CDHR1: variants seen among roughly 807,000 people sequenced by gnomAD.
CDHR1 encodes cadherin related family member 1, also known as cadherin-related family member 1.
Under a neutral mutation model 72.1 loss-of-function variants are expected in CDHR1, and 61 were observed. The ratio of observed to expected loss-of-function variants is 0.85; its 90% CI spans 0.69 to 1.05. The LOEUF is 1.05. Ranked by LOEUF, CDHR1 falls within the 50% of genes least tolerant of loss-of-function variation. The pLI is 0.00. For synonymous variants in CDHR1, 470 were observed against 448.1 expected, an observed-to-expected ratio of 1.05 and a Z score of -0.62; for missense variants, 1,186 against 1,115.7, an observed-to-expected ratio of 1.06 and a Z score of -0.90.
At chr10:84,211,816 C>A (rs1373253681) in intron 14 of CDHR1, 101 bp downstream of exon 14, 3 of 1,032,806 alleles carry the variant, frequency 2.9e-6, no homozygotes. Flanking sequence ...CTGGGAGGGA[C>A]AGGAGCCTGG....
rs1842404945 is a variant in CDHR1 at position 84,215,009 on chromosome 10, G to A, written c.*388G>A. On this transcript the variant is annotated 3_prime_UTR_variant, in exon 17 of 17. Coordinates refer to ENST00000623527, the MANE Select transcript of CDHR1 (RefSeq NM_033100.4). The stretch of plus-strand genomic sequence containing the variant: ...ATCATCATCCTTAGTCAAGCAGCAG[G>A]GCCCTGGCCACGTGGAGCAACACTG... 1 of 1,140,522 alleles carries A rather than the reference G, an allele frequency of 8.8e-7. No individual in the cohort carries two copies. The highest frequency in any genetic ancestry group is 4.3e-5 in the Admixed American group (1 of 23,142). 70.7% of individuals were successfully genotyped at this position (1,140,522 alleles called of 1,614,324 possible). A position where few individuals can be genotyped will look rare whatever the true frequency, so the allele number is the denominator to read the frequency against.
Position 84,196,542 on chromosome 10 carries a change from G to A in CDHR1, c.189G>A (p.Glu63=), listed in dbSNP as rs1842032847. 1 of 1,614,172 alleles carries A rather than the reference G, an allele frequency of 6.2e-7. No individual in the cohort carries two copies. The highest frequency in any genetic ancestry group is 8.5e-7 in the Non-Finnish European group (1 of 1,180,012). The change falls in exon 3 of 17, where the codon GAG becomes GAA. Residue 63 remains glutamate, a synonymous_variant. Coordinates refer to ENST00000623527, the MANE Select transcript of CDHR1 (RefSeq NM_033100.4). ...ACACCCTGAATGGGACAGACCCTGA[G>A]GGAGACCCCATCTCCTACCACATCA... ...HVYTLNGTDP[E]GDPISYHISF...
chr10:84,200,925 CCCTCAGCCCT>C (rs1842113790), intron 6 of CDHR1, among the ~76,000 whole-genome samples: 3 of 152,322 alleles, frequency 2.0e-5, no homozygotes, highest in African/African-American at 7.2e-5. Context: ...GTCCCCAGGA[CCCTCAGCCCT>C]CCACATCCCC....
chr10:84,218,774 A>G (rs953576417), downstream of CDHR1: 70 of 997,808 alleles, frequency 7.0e-5, no homozygotes, highest in Non-Finnish European at 8.3e-5. Flanking sequence ...ATGTTATTAC[A>G]TATATATATT....
chr10:84,195,600 C>A lies in CDHR1; in HGVS notation c.151+11C>A, dbSNP rs1420383187. The A allele has an allele frequency of 6.2e-7, 1 of 1,606,710 alleles. No homozygotes were observed. The highest frequency in any genetic ancestry group is 2.2e-5 in the East Asian group (1 of 44,778). Reference sequence around the variant, plus strand: ...AGGACACCCCTGTAGGTGAGTAGCCCTGGCACCTGCTCCCGATAGGTCTCC... The same window carrying A: ...AGGACACCCCTGTAGGTGAGTAGCCATGGCACCTGCTCCCGATAGGTCTCC... On this transcript the variant is annotated intron_variant, in intron 2 of 16. Coordinates refer to ENST00000623527, the MANE Select transcript of CDHR1 (RefSeq NM_033100.4).
At chr10:84,212,494 T>C (rs1842354038) in intron 15 of CDHR1, 87 bp downstream of exon 15, 1 of 1,233,830 alleles carries the variant, frequency 8.1e-7, no homozygotes, top group Admixed American at 1.8e-5. Flanking sequence ...TCATTGAAGA[T>C]AAAATTTTTT....
At chr10:84,209,549 A>G (rs1441801498) in intron 12 of CDHR1, among the ~76,000 whole-genome samples, 2 of 152,030 alleles carry the variant, frequency 1.3e-5, no homozygotes, top group East Asian at 3.9e-4. Flanking sequence ...AAGGAAAGGA[A>G]GTAAGAAGTT....
rs866366413 is a variant in CDHR1, at chr10:84,218,281, G to A, written c.*3660G>A. 2.0e-6 allele frequency: 2 copies of A among 985,342 alleles called. No homozygotes were observed. The highest frequency in any genetic ancestry group is 3.5e-5 in the African/African-American group (2 of 57,248). The allele number at this position is 985,342 out of a possible 1,614,324, so 61.0% of individuals were successfully genotyped here. A position where few individuals can be genotyped will look rare whatever the true frequency, so the allele number is the denominator to read the frequency against. On this transcript the variant is annotated 3_prime_UTR_variant, in exon 17 of 17. Transcript: ENST00000623527. Reference sequence around the variant, plus strand: ...CCAGAATGAGGCGGTCATGGCTTAAGCGACCATCATTTGATCAATAAAGCA... The same window carrying A: ...CCAGAATGAGGCGGTCATGGCTTAAACGACCATCATTTGATCAATAAAGCA...
Position 84,217,529 on chromosome 10 carries a change from C to T in CDHR1, c.*2908C>T, listed in dbSNP as rs1842444371. 3 of 978,682 alleles carry T rather than the reference C, an allele frequency of 3.1e-6. No individual in the cohort carries two copies. The highest frequency in any genetic ancestry group is 3.6e-6 in the Non-Finnish European group (3 of 823,780). The allele number at this position is 978,682 out of a possible 1,614,324, so 60.6% of individuals were successfully genotyped here. A position where few individuals can be genotyped will look rare whatever the true frequency, so the allele number is the denominator to read the frequency against. ...AAGTCTCTCTGGGCCTCACTTTCCTCATTAACACAGGGTGCAAAGTATGGT... is the reference window on the plus strand; with the variant it reads ...AAGTCTCTCTGGGCCTCACTTTCCTTATTAACACAGGGTGCAAAGTATGGT... On this transcript the variant is annotated 3_prime_UTR_variant, in exon 17 of 17. Transcript: ENST00000623527.
Position 84,215,420 on chromosome 10 carries a change from G to C in CDHR1, c.*799G>C. 2 of 985,494 alleles carry C rather than the reference G, an allele frequency of 2.0e-6. No homozygotes were observed. The allele number at this position is 985,494 out of a possible 1,614,324, so 61.0% of individuals were successfully genotyped here. ...AAGAGCATCAGGGCTGCTCTCTGAG[G>C]AGCTGCCCCACCAGCCATCCTTGAA... is the stretch of plus-strand genomic sequence containing the variant. On this transcript the variant is annotated 3_prime_UTR_variant, in exon 17 of 17. Coordinates refer to ENST00000623527, the MANE Select transcript of CDHR1 (RefSeq NM_033100.4).
Position 84,201,903 on chromosome 10 carries a change from A to T in CDHR1, c.622A>T (p.Ile208Phe). 6.2e-7 allele frequency: 1 copy of T among 1,605,676 alleles called. No homozygotes were observed. The highest frequency in any genetic ancestry group is 1.1e-5 in the South Asian group (1 of 91,048). ...LDYERSRTHYITVVAKDGGGR... is the reference protein window; with the variant it reads ...LDYERSRTHYFTVVAKDGGGR... Reference sequence around the variant, plus strand: ...CTACGAGAGGTCCCGGACCCACTACATCACCGTGGTCGCCAAGGTAACACA... The same window carrying T: ...CTACGAGAGGTCCCGGACCCACTACTTCACCGTGGTCGCCAAGGTAACACA... The change falls in exon 7 of 17, where the codon ATC becomes TTC. Residue 208 changes from isoleucine to phenylalanine, a missense_variant. By Grantham distance (21) the Ile-to-Phe change is conservative (BLOSUM62 0). Coordinates refer to ENST00000623527, the MANE Select transcript of CDHR1 (RefSeq NM_033100.4).
chr10:84,200,782 C>A, intron 6 of CDHR1, 95 bp downstream of exon 6: 1 of 827,568 alleles, frequency 1.2e-6, no homozygotes, highest in East Asian at 2.6e-5. Flanking sequence ...TAGGTCGGTG[C>A]CTCTATGATT....
Position 84,215,188 on chromosome 10 carries a change from T to A in CDHR1, c.*567T>A, listed in dbSNP as rs1842407299. On this transcript the variant is annotated 3_prime_UTR_variant, in exon 17 of 17. Transcript: ENST00000623527. ...AAGGATGCACAGAAAACACACTGAC[T>A]GTGGGACTGTGCCAGGATGCATTTG... 2 of 1,003,716 alleles carry A rather than the reference T, an allele frequency of 2.0e-6. No homozygotes were observed. Among genetic ancestry groups the A allele is most frequent in the African/African-American group, 3.5e-5 (2 of 57,432 alleles). The allele number at this position is 1,003,716 out of a possible 1,614,324, so 62.2% of individuals were successfully genotyped here.
chr10:84,200,830 G>T, intron 6 of CDHR1, 143 bp downstream of exon 6: 2 of 677,528 alleles, frequency 3.0e-6, no homozygotes, highest in Non-Finnish European at 5.4e-6. Flanking sequence ...GGGCAGGAGG[G>T]GATGTGAGAG....
rs375329781 is a variant in CDHR1 at position 84,212,272 on chromosome 10, G to C, written c.1647G>C (p.Lys549Asn). Residue 549 changes from lysine (K) to asparagine (N), a missense_variant, in exon 15 of 17, where the codon AAG becomes AAC. Transcript: ENST00000623527. ...EATARYNFYVKAEDMEGKYSV... is the reference protein window; with the variant it reads ...EATARYNFYVNAEDMEGKYSV... ...CTGCCAGGTACAACTTCTATGTGAA[G>C]GCAGAGGACATGGAAGGCAAGTACA... 9 of 1,614,140 alleles carry C rather than the reference G, an allele frequency of 5.6e-6. No homozygotes were observed. The highest frequency in any genetic ancestry group is 1.3e-5 in the African/African-American group (1 of 74,942).
intron 10 of CDHR1, 142 bp downstream of exon 10, chr10:84,206,069 C>A: frequency 3.0e-6 from 2 of 666,156 alleles, no homozygotes; most frequent in Non-Finnish European, 5.5e-6. Flanking sequence ...CTGCACCAGA[C>A]ATGAATTCAC....
intron 3 of CDHR1, 75 bp downstream of exon 3, chr10:84,196,725 G>A (rs1271885150): frequency 1.9e-6 from 3 of 1,558,494 alleles, no homozygotes; most frequent in African/African-American, 2.7e-5. Flanking sequence ...TTCCCCTGGA[G>A]CACATTGGTT....
At chr10:84,197,326 C>T (rs569145908) in intron 3 of CDHR1, among the ~76,000 whole-genome samples, 2 of 152,242 alleles carry the variant, frequency 1.3e-5, no homozygotes, top group South Asian at 4.1e-4. Flanking sequence ...ATCCGATACC[C>T]TTCCCCATTG....
chr10:84,199,258 G>A (rs565614800), intron 5 of CDHR1, 137 bp downstream of exon 5: 8 of 729,110 alleles, frequency 1.1e-5, no homozygotes, highest in East Asian at 5.4e-5. Context: ...TCCAACATTC[G>A]CTTTTATTCC....
Sources: allele counts gnomAD v4.1 joint callset (sites outside exome capture counted in the v4.1 genomes callset), GRCh38; gene constraint gnomAD v4.1.1; transcripts MANE v1.5; gene names NCBI Gene and HGNC (gene_info 2026-07-23, HGNC 2026-07-21).